SHISA9: variants seen among roughly 807,000 people sequenced by gnomAD.
SHISA9 encodes protein shisa-9.
In SHISA9, 13 loss-of-function variants were observed where a neutral mutation model predicts 38.0. The observed-to-expected ratio is 0.34, with a 90% CI of 0.22 to 0.54. The LOEUF is 0.54. SHISA9 is among the 20% of genes least tolerant of loss of function. The pLI is 0.91. For missense variants in SHISA9, 538 were observed against 575.8 expected (o/e 0.93, Z 0.67); for synonymous variants, 275 against 242.0 (o/e 1.14, Z -1.27).
At chr16:13,199,159 C>G (rs1027641085) in intron 2 of SHISA9, among the ~76,000 whole-genome samples, 1 of 152,104 alleles carries the variant, frequency 6.6e-6, no homozygotes, top group African/African-American at 2.4e-5. Context: ...GAGTCTGAGA[C>G]TGACGGATCA....
intron 2 of SHISA9, among the ~76,000 whole-genome samples, chr16:12,967,855 A>G (rs1192333695): frequency 6.6e-6 from 1 of 152,078 alleles, no homozygotes; most frequent in African/African-American, 2.4e-5. Flanking sequence ...GTGATTCTCA[A>G]ACTTGTCTGC....
At chr16:13,253,497 G>C in the SHISA9 span, among the ~76,000 whole-genome samples, 16 of 152,316 alleles carry the variant, frequency 1.1e-4, no homozygotes, top group Non-Finnish European at 1.5e-4. Context: ...CGTGGCTGGG[G>C]AGGCCTCACA....
chr16:13,000,985 A>T (rs995561674), intron 2 of SHISA9, among the ~76,000 whole-genome samples: 1 of 152,098 alleles, frequency 6.6e-6, no homozygotes, highest in Non-Finnish European at 1.5e-5. Context: ...GTTGGAGGGC[A>T]GTGTTGCAAT....
intron 2 of SHISA9, among the ~76,000 whole-genome samples, chr16:13,022,726 C>T (rs985839755): frequency 2.6e-5 from 4 of 152,070 alleles, no homozygotes; most frequent in African/African-American, 4.8e-5. Flanking sequence ...CTAGGTGTCC[C>T]GAGTAGCAGG....
chr16:13,439,133 A>T, the SHISA9 span, among the ~76,000 whole-genome samples: 16 of 152,212 alleles, frequency 1.1e-4, no homozygotes, highest in African/African-American at 3.6e-4. Context: ...ATAGAAGCAG[A>T]GAGCTCACAT....
the SHISA9 span, among the ~76,000 whole-genome samples, chr16:13,274,121 T>A: frequency 1.3e-5 from 2 of 152,322 alleles, no homozygotes; most frequent in East Asian, 3.9e-4. Context: ...CTTGCTTACC[T>A]CTTACTTGAA....
chr16:12,953,424 A>T (rs2071786800), intron 2 of SHISA9, among the ~76,000 whole-genome samples: 1 of 152,202 alleles, frequency 6.6e-6, no homozygotes, highest in Non-Finnish European at 1.5e-5. Flanking sequence ...TGGCCAAAGG[A>T]TGCCTTGTTC....
intron 2 of SHISA9, among the ~76,000 whole-genome samples, chr16:13,031,884 A>G (rs7203886): frequency 0.062 from 9,403 of 152,266 alleles, 585 homozygotes; most frequent in East Asian, 0.18. Flanking sequence ...AACTGCACTC[A>G]AATAAACTGA....
At chr16:13,195,555 T>G (rs2050929691) in intron 2 of SHISA9, among the ~76,000 whole-genome samples, 1 of 152,164 alleles carries the variant, frequency 6.6e-6, no homozygotes, top group African/African-American at 2.4e-5. Context: ...AGATACGGTG[T>G]GAATGGCACA....
chr16:13,171,488 G>A (rs923291509), intron 2 of SHISA9, among the ~76,000 whole-genome samples: 2 of 148,490 alleles, frequency 1.3e-5, no homozygotes, highest in Non-Finnish European at 3.0e-5. Context: ...AGCAGGGGGC[G>A]GGGGTGGGGG....
chr16:13,166,655 C>T lies in SHISA9; in HGVS notation c.692-36739C>T, dbSNP rs62027560. ...CAGGCATTCTTGTCTGTTTTGTCTACGGTGTGCCCCTAATGCCTCCCCCAA... is the reference window on the plus strand; with the variant it reads ...CAGGCATTCTTGTCTGTTTTGTCTATGGTGTGCCCCTAATGCCTCCCCCAA... On this transcript the variant is annotated intron_variant, in intron 2 of 4. Coordinates refer to ENST00000558583, the MANE Select transcript of SHISA9 (RefSeq NM_001145204.3). 2.6e-4 allele frequency among the ~76,000 whole-genome samples: 40 copies of T among 152,124 alleles called. 1 individual carries two copies. Among genetic ancestry groups the T allele is most frequent in the South Asian group, 4.2e-4 (2 of 4,816 alleles).
the SHISA9 span, among the ~76,000 whole-genome samples, chr16:13,424,556 C>T: frequency 1.3e-5 from 2 of 152,222 alleles, no homozygotes; most frequent in African/African-American, 2.4e-5. Context: ...AAACTGGGTA[C>T]CAGGCATCAC....
intron 2 of SHISA9, among the ~76,000 whole-genome samples, chr16:13,170,360 C>G (rs1229821534): frequency 6.6e-6 from 1 of 152,114 alleles, no homozygotes; most frequent in Admixed American, 6.5e-5. Flanking sequence ...TCCCTGAACT[C>G]AGGGGCTTTG....
At chr16:13,172,274 C>T (rs2050693048) in intron 2 of SHISA9, among the ~76,000 whole-genome samples, 1 of 152,174 alleles carries the variant, frequency 6.6e-6, no homozygotes. Context: ...TTTGCAGAGA[C>T]ACTTAAGATG....
chr16:12,932,740 G>A (rs1341312569), intron 2 of SHISA9, among the ~76,000 whole-genome samples: 1 of 152,184 alleles, frequency 6.6e-6, no homozygotes, highest in Non-Finnish European at 1.5e-5. Flanking sequence ...TCTGAAGCCT[G>A]GGCTGTTTCT....
chr16:13,370,742 T>C, the SHISA9 span, among the ~76,000 whole-genome samples: 1 of 152,162 alleles, frequency 6.6e-6, no homozygotes. Context: ...AGCTCTAAAC[T>C]ACCCTCTATT....
intron 2 of SHISA9, among the ~76,000 whole-genome samples, chr16:13,169,646 C>G (rs2050668244): frequency 6.6e-6 from 1 of 152,158 alleles, no homozygotes; most frequent in Non-Finnish European, 1.5e-5. Flanking sequence ...AACATTTTAT[C>G]AGTTTCCTGG....
the SHISA9 span, among the ~76,000 whole-genome samples, chr16:13,290,203 A>G: frequency 1.8e-4 from 28 of 152,268 alleles, no homozygotes; most frequent in African/African-American, 6.5e-4. Flanking sequence ...ATGTAGCAAT[A>G]ATGTTGAATT....
chr16:13,073,787 C>T lies in SHISA9; in HGVS notation c.692-129607C>T, dbSNP rs577706286. ...ACAGAGAAGGCCATGTGAATGGGAACGAGGCGGATACAAGCCAAGGAACGC... is the reference window on the plus strand; with the variant it reads ...ACAGAGAAGGCCATGTGAATGGGAATGAGGCGGATACAAGCCAAGGAACGC... On this transcript the variant is annotated intron_variant, in intron 2 of 4. Transcript: ENST00000558583. Among the ~76,000 whole-genome samples, 3 of 152,100 alleles carry T rather than the reference C, an allele frequency of 2.0e-5. 1 individual carries two copies. Among genetic ancestry groups the T allele is most frequent in the African/African-American group, 7.2e-5 (3 of 41,502 alleles).
Sources: gnomAD v4.1 joint callset for allele counts (sites outside exome capture counted in the v4.1 genomes callset) on GRCh38, gnomAD v4.1.1 for gene constraint, MANE v1.5 for transcripts, NCBI Gene and HGNC (gene_info 2026-07-23, HGNC 2026-07-21) for gene names.